DOCK2: variants seen among roughly 807,000 people sequenced by gnomAD.
The protein encoded by DOCK2 is dedicator of cytokinesis 2.
In DOCK2, 87 loss-of-function variants were observed where a neutral mutation model predicts 248.9. The observed-to-expected ratio is 0.35, with a 90% CI of 0.29 to 0.42. DOCK2 has a LOEUF of 0.42. Ranked by LOEUF, DOCK2 falls within the 10% of genes least tolerant of loss-of-function variation. The pLI is 1.00. For synonymous variants in DOCK2, 805 were observed against 821.6 expected, an observed-to-expected ratio of 0.98 and a Z score of 0.35; for missense variants, 1,747 against 2,300.2, an observed-to-expected ratio of 0.76 and a Z score of 4.92.
At chr5:169,882,127 A>G (rs1772690027) in intron 27 of DOCK2, among the ~76,000 whole-genome samples, 1 of 152,220 alleles carries the variant, frequency 6.6e-6, no homozygotes, top group South Asian at 2.1e-4. Context: ...CTGAGTGGCC[A>G]TCTCAAGTCC....
At chr5:169,809,080 C>T (rs1161485547) in intron 26 of DOCK2, among the ~76,000 whole-genome samples, 2 of 152,050 alleles carry the variant, frequency 1.3e-5, no homozygotes, top group East Asian at 3.9e-4. Context: ...CAACCTCCAC[C>T]TCCTGGCTCA....
chr5:169,998,489 T>G (rs1341553961), intron 30 of DOCK2, among the ~76,000 whole-genome samples: 1 of 152,252 alleles, frequency 6.6e-6, no homozygotes, highest in East Asian at 1.9e-4. Context: ...GCTGCCATTT[T>G]CTGATGGTTA....
chr5:169,847,753 A>G (rs1474701092), intron 27 of DOCK2, among the ~76,000 whole-genome samples: 1 of 152,170 alleles, frequency 6.6e-6, no homozygotes, highest in Non-Finnish European at 1.5e-5. Context: ...AACTGTGTTG[A>G]GGAGGATGCA....
chr5:170,059,450 T>C (rs557236009), intron 44 of DOCK2, among the ~76,000 whole-genome samples: 20 of 152,320 alleles, frequency 1.3e-4, no homozygotes, highest in South Asian at 6.2e-4. Context: ...GCGCCTCTTC[T>C]GTAGTCATTC....
chr5:169,716,305 A>G lies in DOCK2; in HGVS notation c.2031+3A>G. Reference sequence around the variant, plus strand: ...ACATCCTCGTCTTTGATGCCTTGGTAAGAGAGAGGGGAAAAGTGTCTAGTG... The same window carrying G: ...ACATCCTCGTCTTTGATGCCTTGGTGAGAGAGAGGGGAAAAGTGTCTAGTG... On this transcript the variant is annotated splice_donor_region_variant and intron_variant, in intron 20 of 51. Transcript: ENST00000520908. 1 of 1,612,994 alleles carries G rather than the reference A, an allele frequency of 6.2e-7. No individual in the cohort carries two copies. Among genetic ancestry groups the G allele is most frequent in the Non-Finnish European group, 8.5e-7 (1 of 1,179,104 alleles).
At chr5:170,072,176 A>T (rs1388347960) in intron 46 of DOCK2, among the ~76,000 whole-genome samples, 1 of 152,124 alleles carries the variant, frequency 6.6e-6, no homozygotes, top group Non-Finnish European at 1.5e-5. Flanking sequence ...GCATGTGAGG[A>T]TATTCAGCTT....
chr5:170,038,230 A>G (rs1354597754), intron 36 of DOCK2, among the ~76,000 whole-genome samples: 3 of 152,254 alleles, frequency 2.0e-5, no homozygotes, highest in Non-Finnish European at 2.9e-5. Flanking sequence ...ATGAAGTACT[A>G]TAGGTAATAT....
At chr5:169,871,436 C>T (rs898882582) in intron 27 of DOCK2, among the ~76,000 whole-genome samples, 3 of 152,130 alleles carry the variant, frequency 2.0e-5, no homozygotes, top group African/African-American at 7.2e-5. Context: ...AATCTATGTG[C>T]TAGACACTAT....
chr5:170,063,483 A>G (rs1206059328), intron 44 of DOCK2, among the ~76,000 whole-genome samples: 1 of 152,190 alleles, frequency 6.6e-6, no homozygotes, highest in Non-Finnish European at 1.5e-5. Flanking sequence ...TGGAAGGGGC[A>G]CACACTTCCA....
chr5:169,755,015 G>T (rs1456212713), intron 23 of DOCK2, among the ~76,000 whole-genome samples: 1 of 151,900 alleles, frequency 6.6e-6, no homozygotes, highest in East Asian at 1.9e-4. Flanking sequence ...ACAGAACACT[G>T]TAGCCTCTAG....
intron 36 of DOCK2, 158 bp from the exon 37 acceptor site, chr5:170,040,897 T>G (rs1756491924): frequency 8.6e-6 from 5 of 581,726 alleles, no homozygotes; most frequent in Admixed American, 5.4e-5. Context: ...ACACACTAGG[T>G]GCTGTCATTA....
At chr5:169,956,032 T>G (rs1776851463) in intron 27 of DOCK2, among the ~76,000 whole-genome samples, 1 of 148,188 alleles carries the variant, frequency 6.7e-6, no homozygotes, top group Admixed American at 6.7e-5. Flanking sequence ...GGGGGAGACA[T>G]AGATTTGAAA....
chr5:170,053,163 A>G (rs780932398), intron 41 of DOCK2, among the ~76,000 whole-genome samples: 7 of 152,182 alleles, frequency 4.6e-5, no homozygotes, highest in African/African-American at 1.7e-4. Context: ...TCCTGGTACA[A>G]CTTCAGGGGA....
At chr5:169,980,167 C>G (rs1777889486) in intron 27 of DOCK2, 1 of 152,180 alleles carries the variant, frequency 6.6e-6, no homozygotes, top group Non-Finnish European at 1.5e-5. Flanking sequence ...CCCAGTCTCA[C>G]TGTTGATTTA....
chr5:169,769,483 G>A (rs1231580338), intron 25 of DOCK2, among the ~76,000 whole-genome samples: 1 of 152,208 alleles, frequency 6.6e-6, no homozygotes, highest in Non-Finnish European at 1.5e-5. Context: ...CAGGGTACCT[G>A]ATGAATGGGG....
intron 27 of DOCK2, among the ~76,000 whole-genome samples, chr5:169,952,269 C>T (rs1418348517): frequency 1.3e-5 from 2 of 152,120 alleles, no homozygotes; most frequent in Non-Finnish European, 2.9e-5. Flanking sequence ...TCAACTCGTC[C>T]GTATAACAAT....
intron 43 of DOCK2, 87 bp from the exon 44 acceptor site, chr5:170,057,492 TG>T: frequency 8.3e-7 from 1 of 1,201,930 alleles, no homozygotes; most frequent in Non-Finnish European, 1.2e-6. Context: ...GGGACCTGGC[TG>T]GGTTTCTGCC....
intron 25 of DOCK2, among the ~76,000 whole-genome samples, chr5:169,775,162 G>A (rs1215684804): frequency 6.6e-5 from 10 of 152,008 alleles, no homozygotes; most frequent in African/African-American, 2.4e-4. Flanking sequence ...TGCCCACCTC[G>A]GCCTCCCAAA....
At chr5:169,801,158 T>G (rs1293336785) in intron 25 of DOCK2, among the ~76,000 whole-genome samples, 14 of 120,378 alleles carry the variant, frequency 1.2e-4, no homozygotes, top group African/African-American at 1.5e-4. Flanking sequence ...TTTTTTTTTT[T>G]TTTTTTTTTT....
Sources: gnomAD v4.1 joint callset for allele counts (sites outside exome capture counted in the v4.1 genomes callset) on GRCh38, gnomAD v4.1.1 for gene constraint, MANE v1.5 for transcripts, NCBI Gene and HGNC (gene_info 2026-07-23, HGNC 2026-07-21) for gene names.